The following PREPL variants were observed in gnomAD, a reference collection of about 807,000 sequenced individuals.
The protein encoded by PREPL is prolyl endopeptidase like.
PREPL carries 77 observed loss-of-function variants against 70.6 expected under a neutral mutation model. The ratio of observed to expected loss-of-function variants is 1.09; its 90% confidence interval spans 0.91 to 1.32. The LOEUF (loss-of-function observed/expected upper bound fraction) is 1.32. PREPL is among the 40% of genes most tolerant of loss of function. The pLI is 0.00. For missense variants in PREPL, 1,002 were observed against 778.2 expected (o/e 1.29, Z -3.42); for synonymous variants, 315 against 264.8 (o/e 1.19, Z -1.84).
intron 7 of PREPL, among the ~76,000 whole-genome samples, chr2:44,337,173 A>G (rs913627138): frequency 3.3e-5 from 5 of 152,230 alleles, no homozygotes; most frequent in African/African-American, 1.2e-4. Context: ...TGAATGTCAG[A>G]GCATACAGCT....
chr2:44,355,751 T>TATATATATATA (rs1676962080), intron 1 of PREPL, among the ~76,000 whole-genome samples: 8 of 141,376 alleles, frequency 5.7e-5, no homozygotes, highest in African/African-American at 2.1e-4. Flanking sequence ...AAACTACATA[T>TATATATATATA]TATATATATA....
intron 4 of PREPL, among the ~76,000 whole-genome samples, chr2:44,342,901 C>G (rs150703640): frequency 6.6e-6 from 1 of 152,176 alleles, no homozygotes. Context: ...AACTGTAAGT[C>G]TGAAGGAATA....
intron 1 of PREPL, among the ~76,000 whole-genome samples, chr2:44,357,484 T>C (rs1004352344): frequency 2.0e-5 from 3 of 152,222 alleles, no homozygotes; most frequent in Non-Finnish European, 4.4e-5. Flanking sequence ...GAGGGAATGG[T>C]TGATACATGA....
At chr2:44,328,562 G>T (rs1673772789) in intron 9 of PREPL, among the ~76,000 whole-genome samples, 1 of 150,434 alleles carries the variant, frequency 6.6e-6, no homozygotes. Context: ...AGGTGGAGAA[G>T]AATTTTAAGC....
intron 10 of PREPL, among the ~76,000 whole-genome samples, chr2:44,325,014 A>G (rs1011079290): frequency 2.0e-5 from 3 of 152,168 alleles, no homozygotes; most frequent in African/African-American, 4.8e-5. Flanking sequence ...TTTCCCTCAT[A>G]TTAACATTAA....
chr2:44,321,736 T>C, intron 13 of PREPL, 91 bp downstream of exon 13: 1 of 1,608,982 alleles, frequency 6.2e-7, no homozygotes, highest in Non-Finnish European at 8.5e-7. Context: ...TGAAGTGGCT[T>C]TGTCATAAAC....
intron 1 of PREPL, among the ~76,000 whole-genome samples, chr2:44,357,209 G>A (rs976357874): frequency 6.6e-6 from 1 of 152,220 alleles, no homozygotes; most frequent in Non-Finnish European, 1.5e-5. Flanking sequence ...CACTACACAT[G>A]CTACTTTTCT....
intron 5 of PREPL, 23 bp from the exon 6 acceptor site, chr2:44,339,386 G>A (rs923545358): frequency 6.2e-7 from 1 of 1,608,562 alleles, no homozygotes; most frequent in Non-Finnish European, 8.5e-7. Flanking sequence ...AGAGAGACAT[G>A]AGATCACAGT....
At chr2:44,342,876 C>T (rs1675381285) in intron 4 of PREPL, among the ~76,000 whole-genome samples, 1 of 152,174 alleles carries the variant, frequency 6.6e-6, no homozygotes. Context: ...AATTCCGTCT[C>T]AATCTACAAC....
intron 5 of PREPL, among the ~76,000 whole-genome samples, chr2:44,340,952 A>G (rs529004955): frequency 6.6e-6 from 1 of 151,972 alleles, no homozygotes; most frequent in South Asian, 2.1e-4. Flanking sequence ...AAAATTAAGA[A>G]CATTAACTTG....
intron 8 of PREPL, among the ~76,000 whole-genome samples, chr2:44,332,211 G>C (rs1306367813): frequency 3.3e-5 from 5 of 152,174 alleles, no homozygotes; most frequent in Admixed American, 3.3e-4. Context: ...CTCCCAAAGT[G>C]CTGGGATTAC....
chr2:44,326,931 G>GA lies in PREPL; in HGVS notation c.1263-4dup. 6.2e-7 allele frequency: 1 copy of GA among 1,613,448 alleles called. No homozygotes were observed. Among genetic ancestry groups the GA allele is most frequent in the Non-Finnish European group, 8.5e-7 (1 of 1,179,568 alleles). ...GGAGGCCTAACTCACCACCACCTCT[G>GA]AAATTGAAGGGCAAAAAAGTTTTAG... On this transcript the variant is annotated splice_region_variant and splice_polypyrimidine_tract_variant and intron_variant, in intron 9 of 13. Transcript: ENST00000409411.
chr2:44,345,095 G>A (rs897835810), intron 2 of PREPL, among the ~76,000 whole-genome samples: 15 of 152,166 alleles, frequency 9.9e-5, no homozygotes, highest in African/African-American at 3.6e-4. Flanking sequence ...TTCACCTGCT[G>A]TAGGGTGACA....
Position 44,320,245 on chromosome 2 carries a change from T to TAA in PREPL, c.*1109_*1110dup. On this transcript the variant is annotated 3_prime_UTR_variant, in exon 14 of 14. Transcript: ENST00000409411. Reference sequence around the variant, plus strand: ...TCGGCTTTGAAGTTATATCAAGATTTAAGTCTACTTCATGCCAATGAGCTA... The same window carrying TAA: ...TCGGCTTTGAAGTTATATCAAGATTTAAAAGTCTACTTCATGCCAATGAGCTA... 6.2e-7 allele frequency: 1 copy of TAA among 1,614,088 alleles called. No homozygotes were observed. The highest frequency in any genetic ancestry group is 8.5e-7 in the Non-Finnish European group (1 of 1,179,954).
In PREPL at chr2:44,326,725, G is replaced by A. The variant is rs150060920; in HGVS notation, c.1466C>T (p.Ala489Val). The stretch of plus-strand genomic sequence containing the variant: ...GAGCGTACTCACCTCCAAAGTCACC[G>A]CTCTCACCAGCTCTGGATTAGAATT... ...LCNSNPELVR[A>V]VTLEAPFLDV... The change falls in exon 10 of 14, where the codon GCG becomes GTG. Residue 489 changes from alanine to valine, a missense_variant. Transcript: ENST00000409411. The A allele has an allele frequency of 9.9e-6, 16 of 1,613,458 alleles. No homozygotes were observed. The highest frequency in any genetic ancestry group is 9.9e-5 in the South Asian group (9 of 91,062).
chr2:44,359,067 C>CTTT (rs35700374), intron 1 of PREPL, among the ~76,000 whole-genome samples: 45 of 94,470 alleles, frequency 4.8e-4, no homozygotes, highest in African/African-American at 1.6e-3. Context: ...TATGTATACA[C>CTTT]TTTTTTTTTT....
intron 5 of PREPL, among the ~76,000 whole-genome samples, chr2:44,341,777 T>C (rs185837591): frequency 4.2e-4 from 64 of 152,080 alleles, no homozygotes; most frequent in Middle Eastern, 3.4e-3. Flanking sequence ...TTTGGGTGTA[T>C]TTCCTTTCAA....
At chr2:44,342,988 T>G (rs1675395652) in intron 4 of PREPL, among the ~76,000 whole-genome samples, 1 of 152,176 alleles carries the variant, frequency 6.6e-6, no homozygotes, top group Non-Finnish European at 1.5e-5. Flanking sequence ...CAAACACAAT[T>G]TAATGCTGAT....
chr2:44,323,153 A>G, intron 11 of PREPL, 109 bp downstream of exon 11: 2 of 1,115,860 alleles, frequency 1.8e-6, no homozygotes, highest in Non-Finnish European at 2.5e-6. Context: ...TGGGCATCAT[A>G]AGTAGAAACA....
Sources: gnomAD v4.1 joint callset for allele counts (sites outside exome capture counted in the v4.1 genomes callset) on GRCh38, gnomAD v4.1.1 for gene constraint, MANE v1.5 for transcripts, NCBI Gene and HGNC (gene_info 2026-07-23, HGNC 2026-07-21) for gene names.